CDK15: variants seen among roughly 807,000 people sequenced by gnomAD.
CDK15 encodes the protein cyclin-dependent kinase 15.
In CDK15, 62 loss-of-function variants were observed where a neutral mutation model predicts 60.3. The observed-to-expected ratio is 1.03, with a 90% CI of 0.84 to 1.27. The LOEUF (loss-of-function observed/expected upper bound fraction) is 1.27. Ranked by LOEUF, CDK15 falls within the 50% of genes most tolerant of loss-of-function variation. The pLI, the probability that CDK15 is intolerant of heterozygous loss-of-function variation, is 0.00. For synonymous variants in CDK15, 194 were observed against 195.7 expected, an observed-to-expected ratio of 0.99 and a Z score of 0.07; for missense variants, 541 against 527.8, an observed-to-expected ratio of 1.03 and a Z score of -0.25.
rs1699726043 is a variant in CDK15, at chr2:201,894,561, G to A, written c.*1294G>A. On this transcript the variant is annotated 3_prime_UTR_variant, in exon 14 of 14. Coordinates refer to ENST00000652192, the MANE Select transcript of CDK15 (RefSeq NM_001366386.2). ...AAGGTTCAGTCTTGAGTCCTATTCT[G>A]GTCAAATATTTTTATTAATTACTCG... 1 of 152,050 alleles carries A rather than the reference G, an allele frequency of 6.6e-6. No individual in the cohort carries two copies. The highest frequency in any genetic ancestry group is 1.5e-5 in the Non-Finnish European group (1 of 68,016). The allele number at this position is 152,050 out of a possible 1,614,324, so 9.4% of individuals were successfully genotyped here. A position where few individuals can be genotyped will look rare whatever the true frequency, so the allele number is the denominator to read the frequency against.
intron 12 of CDK15, among the ~76,000 whole-genome samples, chr2:201,886,807 A>G (rs955999907): frequency 6.6e-6 from 1 of 152,216 alleles, no homozygotes; most frequent in Non-Finnish European, 1.5e-5. Context: ...CTAGGGATTA[A>G]AAAAATACAA....
In CDK15 at chr2:201,885,809, G is replaced by A. The variant is rs142146897; in HGVS notation, c.1199-4976G>A. On this transcript the variant is annotated intron_variant, in intron 12 of 13. Transcript: ENST00000652192. Reference sequence around the variant, plus strand: ...CACTGATGCCCAGGGAAGAATAATCGTACCTGCCTTTTATTGGACATCTAT... The same window carrying A: ...CACTGATGCCCAGGGAAGAATAATCATACCTGCCTTTTATTGGACATCTAT... 2.4e-3 allele frequency among the ~76,000 whole-genome samples: 370 copies of A among 152,210 alleles called. 3 individuals carry two copies. The highest frequency in any genetic ancestry group is 4.6e-3 in the Non-Finnish European group (313 of 68,002).
Position 201,833,931 on chromosome 2 carries a change from A to G in CDK15, c.690A>G (p.Leu230=). Residue 230 remains leucine, a synonymous_variant, in exon 7 of 14, where the codon TTA becomes TTG. Transcript: ENST00000652192. ...VLHRDLKPQN[L]LISHLGELKL... ...ACAGGGACCTGAAACCTCAGAACTT[A>G]CTCATCAGTCACCTGGGAGAGCTCA... 6.2e-7 allele frequency: 1 copy of G among 1,613,814 alleles called. No individual in the cohort carries two copies. The highest frequency in any genetic ancestry group is 1.1e-5 in the South Asian group (1 of 91,040).
Position 201,853,820 on chromosome 2 carries a change from C to T in CDK15, c.946-1054C>T, listed in dbSNP as rs138352880. Among the ~76,000 whole-genome samples the T allele has an allele frequency of 1.0e-3, 157 of 152,034 alleles. 1 individual carries two copies. Among genetic ancestry groups the T allele is most frequent in the African/African-American group, 3.4e-3 (141 of 41,476 alleles). On this transcript the variant is annotated intron_variant, in intron 9 of 13. Coordinates refer to ENST00000652192, the MANE Select transcript of CDK15 (RefSeq NM_001366386.2). Reference sequence around the variant, plus strand: ...TCTGAGCTGTTTTGGCTTTATACTCCGAAAGACTTTATTTTCATACATCTT... The same window carrying T: ...TCTGAGCTGTTTTGGCTTTATACTCTGAAAGACTTTATTTTCATACATCTT...
rs1418309090 is a variant in CDK15, at chr2:201,894,267, T to G, written c.*1000T>G. ...CCTAGAAACCAGAGACCTCTGTATA[T>G]CCTTTGGAAGAGCAAGGAGGAACTA... On this transcript the variant is annotated 3_prime_UTR_variant, in exon 14 of 14. Transcript: ENST00000652192. The G allele has an allele frequency of 6.6e-6, 1 of 152,060 alleles. No homozygotes were observed. The highest frequency in any genetic ancestry group is 1.9e-4 in the East Asian group (1 of 5,178). The allele number at this position is 152,060 out of a possible 1,614,324, so 9.4% of individuals were successfully genotyped here. A position where few individuals can be genotyped will look rare whatever the true frequency, so the allele number is the denominator to read the frequency against.
chr2:201,817,811 A>C (rs141222327), intron 4 of CDK15, among the ~76,000 whole-genome samples: 206 of 152,360 alleles, frequency 1.4e-3, no homozygotes, highest in African/African-American at 4.6e-3. Context: ...CGTCTTTATA[A>C]AACAAAATAA....
chr2:201,867,810 A>C (rs1698692567), intron 10 of CDK15, among the ~76,000 whole-genome samples: 1 of 152,170 alleles, frequency 6.6e-6, no homozygotes. Flanking sequence ...CAAAAGAAGA[A>C]AAGGAATAAG....
intron 12 of CDK15, among the ~76,000 whole-genome samples, chr2:201,881,075 TG>T: frequency 6.6e-6 from 1 of 151,450 alleles, no homozygotes; most frequent in African/African-American, 2.4e-5. Context: ...GGAAGGGGCG[TG>T]GGGGAGTGGC....
rs879557138 is a variant in CDK15, at chr2:201,833,219, G to GT, written c.607-629_607-628insT. On this transcript the variant is annotated intron_variant, in intron 6 of 13. Coordinates refer to ENST00000652192, the MANE Select transcript of CDK15 (RefSeq NM_001366386.2). The stretch of plus-strand genomic sequence containing the variant: ...TTTTTTGATTTTTTTTGAGGGGGGG[G>GT]GTCTAACTTATTTTGGTCTCTCTTC... Among the ~76,000 whole-genome samples the GT allele has an allele frequency of 7.0e-4, 98 of 140,468 alleles. 1 individual carries two copies. Among genetic ancestry groups the GT allele is most frequent in the Admixed American group, 2.2e-4 (3 of 13,736 alleles). 92.2% of individuals were successfully genotyped at this position (140,468 alleles called of 152,430 possible).
In CDK15 at chr2:201,894,610, CT is replaced by C. The variant is rs1409765013; in HGVS notation, c.*1346del. ...CGAATAAATCAGAGTACATGGACAA[CT>C]TTATACAACTCCTTGAAGTAAGTAC... On this transcript the variant is annotated 3_prime_UTR_variant, in exon 14 of 14. Coordinates refer to ENST00000652192, the MANE Select transcript of CDK15 (RefSeq NM_001366386.2). 6.6e-6 allele frequency: 1 copy of C among 152,164 alleles called. No homozygotes were observed. Among genetic ancestry groups the C allele is most frequent in the Non-Finnish European group, 1.5e-5 (1 of 68,034 alleles). The allele number at this position is 152,164 out of a possible 1,614,324, so 9.4% of individuals were successfully genotyped here.
intron 6 of CDK15, among the ~76,000 whole-genome samples, chr2:201,830,294 C>T (rs1696694553): frequency 6.6e-6 from 1 of 152,014 alleles, no homozygotes; most frequent in African/African-American, 2.4e-5. Flanking sequence ...AAAGAACAGC[C>T]AGAGGGGCAG....
intron 3 of CDK15, among the ~76,000 whole-genome samples, chr2:201,810,156 C>T (rs1695689436): frequency 6.6e-6 from 1 of 151,588 alleles, no homozygotes; most frequent in Non-Finnish European, 1.5e-5. Flanking sequence ...AAAATACTTA[C>T]CTCATAAAAC....
At chr2:201,862,737 G>T (rs1574915881) in intron 10 of CDK15, among the ~76,000 whole-genome samples, 1 of 152,134 alleles carries the variant, frequency 6.6e-6, no homozygotes, top group African/African-American at 2.4e-5. Context: ...CAGGAAGGGG[G>T]TGACCTAGAA....
chr2:201,854,928 T>C lies in CDK15; in HGVS notation c.1000T>C (p.Tyr334His), dbSNP rs1033625521. The change falls in exon 10 of 14, where the codon TAC becomes CAC. Residue 334 changes from tyrosine (Y) to histidine (H), a missense_variant. Tyr to His is a moderately conservative substitution (Grantham distance 83). Transcript: ENST00000652192. ...GCCGGGAGTCTCCAAGCTACCTAAC[T>C]ACAATCCAGGTAATATTGATCTGAG... is the stretch of plus-strand genomic sequence containing the variant. ...TWPGVSKLPNYNPEWFPLPTP... is the reference protein window; with the variant it reads ...TWPGVSKLPNHNPEWFPLPTP... 5 of 1,613,932 alleles carry C rather than the reference T, an allele frequency of 3.1e-6. No individual in the cohort carries two copies. The highest frequency in any genetic ancestry group is 3.4e-6 in the Non-Finnish European group (4 of 1,179,808).
At chr2:201,830,185 C>T (rs192864572) in intron 6 of CDK15, among the ~76,000 whole-genome samples, 59 of 152,258 alleles carry the variant, frequency 3.9e-4, no homozygotes, top group African/African-American at 1.3e-3. Flanking sequence ...AAGCAATCCT[C>T]CTGCCTTGGC....
chr2:201,879,716 T>G (rs1326492669), intron 11 of CDK15, among the ~76,000 whole-genome samples: 2 of 152,274 alleles, frequency 1.3e-5, no homozygotes, highest in East Asian at 3.9e-4. Context: ...AATCCTTGAT[T>G]ATATATTTCT....
intron 12 of CDK15, chr2:201,889,572 T>C: frequency 3.5e-6 from 1 of 288,062 alleles, no homozygotes; most frequent in Non-Finnish European, 5.2e-6. Flanking sequence ...AACTGGCTTG[T>C]AGCTTTAGTG....
intron 4 of CDK15, among the ~76,000 whole-genome samples, chr2:201,820,940 G>A (rs1038224866): frequency 6.6e-5 from 10 of 152,146 alleles, no homozygotes; most frequent in East Asian, 3.9e-4. Flanking sequence ...CTCCTTCGGC[G>A]TAAGTCAGCT....
intron 6 of CDK15, among the ~76,000 whole-genome samples, chr2:201,824,209 T>C (rs1479962721): frequency 6.6e-6 from 1 of 152,228 alleles, no homozygotes; most frequent in Non-Finnish European, 1.5e-5. Flanking sequence ...TAATTAGCTA[T>C]AATTCTACAT....
Sources: gnomAD v4.1 joint callset for allele counts (sites outside exome capture counted in the v4.1 genomes callset) on GRCh38, gnomAD v4.1.1 for gene constraint, MANE v1.5 for transcripts, NCBI Gene and HGNC (gene_info 2026-07-23, HGNC 2026-07-21) for gene names.